NKAIN3: variants seen among roughly 807,000 people sequenced by gnomAD.
NKAIN3 encodes sodium/potassium-transporting ATPase subunit beta-1-interacting protein 3.
Under a neutral mutation model 30.2 loss-of-function variants are expected in NKAIN3, and 25 were observed. The ratio of observed to expected loss-of-function variants is 0.83; its 90% CI spans 0.60 to 1.16. NKAIN3 has a LOEUF of 1.16. Among genes scored for constraint, NKAIN3 ranks in the 50% most tolerant of loss-of-function variants. The pLI is 0.00. For synonymous variants in NKAIN3, 91 were observed against 89.6 expected (o/e 1.02, Z -0.09); for missense variants, 225 against 254.1 (o/e 0.89, Z 0.78).
chr8:62,254,323 G>A (rs990050437), intron 1 of NKAIN3, among the ~76,000 whole-genome samples: 6 of 152,030 alleles, frequency 3.9e-5, no homozygotes, highest in African/African-American at 1.5e-4. Flanking sequence ...AGCCTGGATT[G>A]CATATTTAGA....
At position 62,995,383 on chromosome 8, in the gene NKAIN3, G is replaced by A. The variant is rs181464329; in HGVS notation, c.533-3848G>A. Among the ~76,000 whole-genome samples, 949 of 152,274 alleles carry A rather than the reference G, an allele frequency of 6.2e-3. 10 individuals carry two copies. The highest frequency in any genetic ancestry group is 0.022 in the African/African-American group (910 of 41,552). On this transcript the variant is annotated intron_variant, in intron 5 of 5. Transcript: ENST00000519049. ...CTGGGGAATTAAACAAGGCTAAGAA[G>A]CAAGAGAGTAGATGAATGAGAATCC...
intron 2 of NKAIN3, among the ~76,000 whole-genome samples, chr8:62,588,031 A>G (rs1563472045): frequency 6.6e-6 from 1 of 151,936 alleles, no homozygotes; most frequent in Non-Finnish European, 1.5e-5. Flanking sequence ...TTTGTAATTA[A>G]TTTAGTTTAT....
At chr8:62,917,042 CCTT>C (rs539256889) in intron 4 of NKAIN3, among the ~76,000 whole-genome samples, 211 of 152,164 alleles carry the variant, frequency 1.4e-3, no homozygotes, top group African/African-American at 4.9e-3. Flanking sequence ...GTACCACCAT[CCTT>C]CTTCTGAGGT....
At position 62,373,140 on chromosome 8, in the gene NKAIN3, A is replaced by T. The variant is rs759114980; in HGVS notation, c.54+124013A>T. 2.5e-4 allele frequency among the ~76,000 whole-genome samples: 38 copies of T among 152,140 alleles called. 1 individual carries two copies. Among genetic ancestry groups the T allele is most frequent in the Non-Finnish European group, 7.4e-5 (5 of 68,002 alleles). ...CTATTTAAGGTAGTTAAGTGCCAGG[A>T]TCTGTGTGAAGTGCTACATTTCATC... On this transcript the variant is annotated intron_variant, in intron 1 of 6. Transcript: ENST00000623646.
intron 4 of NKAIN3, among the ~76,000 whole-genome samples, chr8:62,886,034 C>G (rs1821136349): frequency 6.6e-6 from 1 of 152,096 alleles, no homozygotes; most frequent in Non-Finnish European, 1.5e-5. Flanking sequence ...TTGCTGTTTT[C>G]TATTTGTTAC....
At chr8:62,596,260 T>A (rs996568513) in intron 3 of NKAIN3, among the ~76,000 whole-genome samples, 9 of 152,042 alleles carry the variant, frequency 5.9e-5, no homozygotes, top group Admixed American at 3.3e-4. Context: ...GTACTGGGGC[T>A]TTGTTTCCTG....
chr8:62,399,680 T>C (rs1338540327), intron 1 of NKAIN3, among the ~76,000 whole-genome samples: 3 of 152,216 alleles, frequency 2.0e-5, no homozygotes, highest in African/African-American at 7.2e-5. Flanking sequence ...ATGACCAGAA[T>C]GTATGAATCT....
At chr8:62,948,038 A>G (rs1366030916) in intron 5 of NKAIN3, among the ~76,000 whole-genome samples, 1 of 152,240 alleles carries the variant, frequency 6.6e-6, no homozygotes, top group Non-Finnish European at 1.5e-5. Flanking sequence ...CAGCTTGCCC[A>G]TATGAGCAAC....
At chr8:62,854,621 C>T (rs1359646400) in intron 4 of NKAIN3, among the ~76,000 whole-genome samples, 7 of 152,140 alleles carry the variant, frequency 4.6e-5, no homozygotes, top group African/African-American at 9.7e-5. Context: ...TTGAAGACAG[C>T]GTACAGATGG....
chr8:62,279,453 G>A (rs867782654), intron 1 of NKAIN3, among the ~76,000 whole-genome samples: 28 of 151,998 alleles, frequency 1.8e-4, no homozygotes, highest in Admixed American at 1.0e-3. Context: ...TTGCCCATGC[G>A]TATGTCCTGA....
intron 1 of NKAIN3, among the ~76,000 whole-genome samples, chr8:62,566,509 A>G (rs1359883172): frequency 1.3e-5 from 2 of 152,158 alleles, no homozygotes; most frequent in Non-Finnish European, 2.9e-5. Flanking sequence ...CGAATCTAAA[A>G]GGAAATAGTG....
intron 5 of NKAIN3, among the ~76,000 whole-genome samples, chr8:62,933,592 T>C (rs1822688593): frequency 1.3e-5 from 2 of 152,192 alleles, no homozygotes; most frequent in African/African-American, 4.8e-5. Flanking sequence ...CTTCATTGAC[T>C]CCAAAGAGTT....
chr8:62,960,524 C>T (rs1009381881), intron 6 of NKAIN3, among the ~76,000 whole-genome samples: 4 of 151,528 alleles, frequency 2.6e-5, no homozygotes, highest in Non-Finnish European at 4.4e-5. Context: ...AAAAAAAAAT[C>T]AACAACATAA....
intron 1 of NKAIN3, among the ~76,000 whole-genome samples, chr8:62,395,081 G>T (rs375628124): frequency 1.3e-5 from 2 of 149,250 alleles, no homozygotes; most frequent in Non-Finnish European, 3.0e-5. Context: ...AGGCAGAGGC[G>T]CTCATCACTT....
chr8:62,600,837 G>A (rs1356024753), intron 3 of NKAIN3, among the ~76,000 whole-genome samples: 1 of 152,054 alleles, frequency 6.6e-6, no homozygotes, highest in African/African-American at 2.4e-5. Context: ...CACCTGAGCA[G>A]CCAGGCAGCA....
intron 1 of NKAIN3, among the ~76,000 whole-genome samples, chr8:62,532,770 C>T (rs1159142176): frequency 6.6e-6 from 1 of 152,186 alleles, no homozygotes; most frequent in East Asian, 1.9e-4. Flanking sequence ...TCCCCAGCAG[C>T]TTCTGGATTC....
chr8:62,769,360 A>G (rs915334213), intron 4 of NKAIN3, among the ~76,000 whole-genome samples: 3 of 152,334 alleles, frequency 2.0e-5, no homozygotes, highest in South Asian at 2.1e-4. Context: ...CAAAATATCA[A>G]TACATGCTAA....
intron 5 of NKAIN3, among the ~76,000 whole-genome samples, chr8:62,921,038 G>T (rs1291971942): frequency 2.6e-5 from 4 of 152,162 alleles, no homozygotes; most frequent in Non-Finnish European, 1.5e-5. Context: ...CAATTGCAAT[G>T]ATCTCATACA....
chr8:62,321,221 G>C (rs946023436), intron 1 of NKAIN3, among the ~76,000 whole-genome samples: 1 of 152,078 alleles, frequency 6.6e-6, no homozygotes, highest in Non-Finnish European at 1.5e-5. Flanking sequence ...GGTTATTCTA[G>C]TTAGCCATTC....
Sources: gnomAD v4.1 joint callset for allele counts (sites outside exome capture counted in the v4.1 genomes callset) on GRCh38, gnomAD v4.1.1 for gene constraint, MANE v1.5 for transcripts, NCBI Gene and HGNC (gene_info 2026-07-23, HGNC 2026-07-21) for gene names.